KLF17: variants seen among roughly 807,000 people sequenced by gnomAD.
KLF17 encodes KLF transcription factor 17.
A neutral mutation model predicts 34.2 loss-of-function variants in KLF17; 31 were observed. The ratio of observed to expected loss-of-function variants is 0.91; its 90% confidence interval spans 0.68 to 1.22. The LOEUF (loss-of-function observed/expected upper bound fraction) is 1.22, where lower values mean the gene tolerates loss of function less well. KLF17 is among the 50% of genes most tolerant of loss of function. KLF17 has a pLI of 0.00. For synonymous variants in KLF17, 179 were observed against 186.7 expected (o/e 0.96, Z 0.34); for missense variants, 478 against 505.2 (o/e 0.95, Z 0.52).
chr1:44,079,837 A>G, the KLF17 span, among the ~76,000 whole-genome samples: 1 of 151,848 alleles, frequency 6.6e-6, no homozygotes. Flanking sequence ...GCTCTGTCAT[A>G]TATCAGGAAT....
At chr1:44,103,942 C>A in the KLF17 span, 1 of 859,716 alleles carries the variant, frequency 1.2e-6, no homozygotes. Context: ...TACATGCTCT[C>A]AGCCTCAGCC....
chr1:44,093,735 G>A, the KLF17 span, among the ~76,000 whole-genome samples: 277 of 152,270 alleles, frequency 1.8e-3, no homozygotes, highest in African/African-American at 6.2e-3. Context: ...TTCAACGTCA[G>A]TGCTTCTGTG....
chr1:44,120,701 G>A (rs1299464624), intron 1 of KLF17, among the ~76,000 whole-genome samples: 1 of 152,240 alleles, frequency 6.6e-6, no homozygotes, highest in Admixed American at 6.5e-5. Flanking sequence ...GGGAAAACAA[G>A]AGGGCCATTG....
intron 1 of KLF17, among the ~76,000 whole-genome samples, chr1:44,127,638 C>T (rs58597920): frequency 0.38 from 22,531 of 58,560 alleles, 2,764 homozygotes; most frequent in Non-Finnish European, 0.41. Flanking sequence ...TCTTTTCTTT[C>T]CTTCTTTCTT....
At chr1:44,131,072 G>A (rs558445433) in intron 3 of KLF17, among the ~76,000 whole-genome samples, 150 of 152,302 alleles carry the variant, frequency 9.8e-4, no homozygotes, top group African/African-American at 3.5e-3. Flanking sequence ...TGGGATTACA[G>A]GCGTGAGCCA....
At chr1:44,055,389 G>A in the KLF17 span, among the ~76,000 whole-genome samples, 1 of 152,146 alleles carries the variant, frequency 6.6e-6, no homozygotes, top group South Asian at 2.1e-4. Context: ...CCAAAAATTA[G>A]GAGATTTATC....
At chr1:44,111,876 C>G in the KLF17 span, among the ~76,000 whole-genome samples, 9 of 152,194 alleles carry the variant, frequency 5.9e-5, no homozygotes, top group African/African-American at 1.9e-4. Context: ...CTGGGCGACG[C>G]AGCAAGACTA....
the KLF17 span, among the ~76,000 whole-genome samples, chr1:44,068,022 CTTT>C: frequency 2.0e-5 from 3 of 151,374 alleles, no homozygotes; most frequent in Non-Finnish European, 4.4e-5. Context: ...TTCCTCAGCA[CTTT>C]TTTTTTCTTT....
the KLF17 span, among the ~76,000 whole-genome samples, chr1:44,056,898 A>G: frequency 6.6e-6 from 1 of 151,900 alleles, no homozygotes; most frequent in Non-Finnish European, 1.5e-5. Flanking sequence ...TTACTTAAAT[A>G]TCAGGCCCTT....
chr1:44,111,049 TG>T, the KLF17 span, among the ~76,000 whole-genome samples: 1 of 152,188 alleles, frequency 6.6e-6, no homozygotes, highest in Non-Finnish European at 1.5e-5. Flanking sequence ...TGCAGTGGTG[TG>T]ACCATGGCTC....
chr1:44,121,200 T>A (rs901859464), intron 1 of KLF17, among the ~76,000 whole-genome samples: 1 of 152,256 alleles, frequency 6.6e-6, no homozygotes, highest in African/African-American at 2.4e-5. Context: ...CACTGAAACC[T>A]CCGCTTCCCA....
At chr1:44,068,100 C>A in the KLF17 span, among the ~76,000 whole-genome samples, 1 of 151,558 alleles carries the variant, frequency 6.6e-6, no homozygotes, top group Non-Finnish European at 1.5e-5. Flanking sequence ...TCTCGGCTCA[C>A]TATAATCTCC....
Position 44,130,645 on chromosome 1 carries a change from G to A in KLF17, c.1059G>A (p.Met353Ile), listed in dbSNP as rs1401007670. ...YKCDQCSREF[M>I]RSDHLKQHQK... ...GTGATCAGTGCAGCCGGGAGTTCAT[G>A]AGGTCTGACCATCTCAAGCAACACC... Residue 353 changes from methionine (M) to isoleucine (I), a missense_variant, in exon 3 of 4, where the codon ATG becomes ATA. By Grantham distance (10) the Met-to-Ile change is conservative. Coordinates refer to ENST00000372299, the MANE Select transcript of KLF17 (RefSeq NM_173484.4). The A allele has an allele frequency of 5.0e-6, 8 of 1,614,004 alleles. No individual in the cohort carries two copies. Among genetic ancestry groups the A allele is most frequent in the Non-Finnish European group, 6.8e-6 (8 of 1,180,032 alleles).
chr1:44,127,692 T>TTCTCTTTCTTTCTTTC (rs753421834), intron 1 of KLF17, among the ~76,000 whole-genome samples: 3 of 90,136 alleles, frequency 3.3e-5, no homozygotes, highest in African/African-American at 5.5e-5. Context: ...CTTTCTTTCT[T>TTCTCTTTCTTTCTTTC]TTTCTTTCTT....
At chr1:44,113,640 T>C in the KLF17 span, among the ~76,000 whole-genome samples, 3 of 152,154 alleles carry the variant, frequency 2.0e-5, no homozygotes, top group African/African-American at 7.2e-5. Context: ...CTGCAGCATA[T>C]GGGTTAGAGG....
chr1:44,061,469 A>G, the KLF17 span, among the ~76,000 whole-genome samples: 1 of 152,204 alleles, frequency 6.6e-6, no homozygotes, highest in African/African-American at 2.4e-5. Context: ...ACCTCTCCCT[A>G]AGACATGCCC....
At chr1:44,080,848 G>A in the KLF17 span, among the ~76,000 whole-genome samples, 1 of 150,330 alleles carries the variant, frequency 6.7e-6, no homozygotes, top group South Asian at 2.1e-4. Flanking sequence ...TCAAGTAGCT[G>A]GGACTATAGG....
the KLF17 span, among the ~76,000 whole-genome samples, chr1:44,090,444 G>A: frequency 2.0e-5 from 3 of 151,366 alleles, no homozygotes; most frequent in Admixed American, 2.0e-4. Context: ...TAAATTACCT[G>A]TAAGTAGAAA....
In KLF17 at chr1:44,130,195, A is replaced by G; in HGVS notation, c.924A>G (p.Thr308=). Residue 308 remains threonine, a splice_region_variant and synonymous_variant, in exon 2 of 4, where the codon ACA becomes ACG. Transcript: ENST00000372299. ...SHLVSHQRKH[T]GERPYSCNWE... Reference sequence around the variant, plus strand: ...TCGTGAGCCACCAGCGCAAGCACACAGGTGAAGGAGGTGTCAGGTGGGGTG... The same window carrying G: ...TCGTGAGCCACCAGCGCAAGCACACGGGTGAAGGAGGTGTCAGGTGGGGTG... 5 of 1,603,712 alleles carry G rather than the reference A, an allele frequency of 3.1e-6. No individual in the cohort carries two copies. The highest frequency in any genetic ancestry group is 4.3e-6 in the Non-Finnish European group (5 of 1,174,302).
Sources: gnomAD v4.1 joint callset for allele counts (sites outside exome capture counted in the v4.1 genomes callset) on GRCh38, gnomAD v4.1.1 for gene constraint, MANE v1.5 for transcripts, NCBI Gene and HGNC (gene_info 2026-07-23, HGNC 2026-07-21) for gene names.